CD200R1: variants seen among roughly 807,000 people sequenced by gnomAD.
The protein encoded by CD200R1 is CD200 receptor 1, also known as cell surface glycoprotein CD200 receptor 1.
Under a neutral mutation model 38.1 loss-of-function variants are expected in CD200R1, and 30 were observed. The observed-to-expected ratio is 0.79, with a 90% CI of 0.59 to 1.07. The LOEUF (loss-of-function observed/expected upper bound fraction) is 1.07, where lower values mean the gene tolerates loss of function less well. CD200R1 is among the 50% of genes least tolerant of loss of function. The pLI, the probability that CD200R1 is intolerant of heterozygous loss-of-function variation, is 0.00. For synonymous variants in CD200R1, 128 were observed against 152.1 expected, an observed-to-expected ratio of 0.84 and a Z score of 1.16; for missense variants, 372 against 415.4, an observed-to-expected ratio of 0.90 and a Z score of 0.91.
intron 5 of CD200R1, among the ~76,000 whole-genome samples, chr3:112,926,961 T>C (rs551295473): frequency 2.0e-5 from 3 of 152,182 alleles, no homozygotes; most frequent in East Asian, 1.9e-4. Context: ...GCATCAAATA[T>C]AGAAGAAGAA....
intron 2 of CD200R1, among the ~76,000 whole-genome samples, chr3:112,939,819 CAA>C (rs1213490160): frequency 1.6e-5 from 2 of 124,294 alleles, no homozygotes; most frequent in African/African-American, 3.1e-5. Flanking sequence ...CATGGAACCA[CAA>C]AAGACCCGAA....
chr3:112,925,072 C>A lies in CD200R1; in HGVS notation c.878+13G>T. The A allele has an allele frequency of 1.4e-6, 2 of 1,450,082 alleles. No homozygotes were observed. Among genetic ancestry groups the A allele is most frequent in the Non-Finnish European group, 1.9e-6 (2 of 1,033,296 alleles). The allele number at this position is 1,450,082 out of a possible 1,614,324, so 89.8% of individuals were successfully genotyped here. ...TAAAGCTGAAGAAGAAAAAAACATT[C>A]ATTAGTCAATACCTGCAGCCATTGA... On this transcript the variant is annotated intron_variant, in intron 6 of 7. Coordinates refer to ENST00000308611, the MANE Select transcript of CD200R1 (RefSeq NM_138806.4).
At chr3:112,951,547 T>C (rs1307009028) in intron 1 of CD200R1, among the ~76,000 whole-genome samples, 2 of 151,842 alleles carry the variant, frequency 1.3e-5, no homozygotes, top group East Asian at 1.9e-4. Flanking sequence ...AAACACATTA[T>C]GAAATTTTTT....
intron 5 of CD200R1, 83 bp from the exon 6 acceptor site, chr3:112,925,276 A>C: frequency 1.4e-6 from 1 of 693,564 alleles, no homozygotes; most frequent in Admixed American, 3.1e-5. Context: ...AAAAGAAATG[A>C]GCTATCAAAC....
chr3:112,958,961 C>T lies in CD200R1; in HGVS notation c.68-11037G>A, dbSNP rs188673620. Reference sequence around the variant, plus strand: ...AAAAACAGGCATGACCCTGCAGACCCATACTTCATGGAGGTTTCCTCCAGT... The same window carrying T: ...AAAAACAGGCATGACCCTGCAGACCTATACTTCATGGAGGTTTCCTCCAGT... On this transcript the variant is annotated intron_variant, in intron 1 of 7. Transcript: ENST00000308611. Among the ~76,000 whole-genome samples the T allele has an allele frequency of 7.9e-5, 12 of 152,068 alleles. No individual in the cohort carries two copies. In the East Asian group the frequency reaches 1.7e-3, roughly 22 times the overall value.
intron 1 of CD200R1, among the ~76,000 whole-genome samples, chr3:112,970,837 G>GT (rs1481783165): frequency 6.6e-6 from 1 of 152,086 alleles, no homozygotes; most frequent in Non-Finnish European, 1.5e-5. Flanking sequence ...TTTCAGAAGA[G>GT]TATCTCCTCC....
At chr3:112,957,122 T>C (rs1941115906) in intron 1 of CD200R1, among the ~76,000 whole-genome samples, 1 of 152,196 alleles carries the variant, frequency 6.6e-6, no homozygotes. Flanking sequence ...CTCATCACAC[T>C]GTGCTGTCTA....
At chr3:112,931,065 T>C (rs768328560) in intron 3 of CD200R1, 41 bp downstream of exon 3, 1 of 1,420,486 alleles carries the variant, frequency 7.0e-7, no homozygotes, top group Non-Finnish European at 1.0e-6. Flanking sequence ...AGTTCAACTT[T>C]CCATCCCTAG....
intron 3 of CD200R1, among the ~76,000 whole-genome samples, chr3:112,930,412 G>C (rs532339123): frequency 6.0e-4 from 92 of 152,168 alleles, no homozygotes; most frequent in Non-Finnish European, 1.1e-3. Flanking sequence ...TTTTATTTCT[G>C]TATATTCAAT....
chr3:112,929,379 A>T lies in CD200R1; in HGVS notation c.331T>A (p.Tyr111Asn), dbSNP rs1940368205. 1.2e-6 allele frequency: 2 copies of T among 1,613,912 alleles called. No homozygotes were observed. The highest frequency in any genetic ancestry group is 2.2e-5 in the South Asian group (2 of 91,086). The change falls in exon 4 of 8, where the codon TAC (tyrosine) becomes AAC (asparagine). Residue 111 changes from tyrosine to asparagine, a missense_variant. Coordinates refer to ENST00000308611, the MANE Select transcript of CD200R1 (RefSeq NM_138806.4). ...TTGGTCTCATTTGTTTCTTTCTTGTAGGCTTTTGTGCAGGAAGGCTGGCCT... is the reference window on the plus strand; with the variant it reads ...TTGGTCTCATTTGTTTCTTTCTTGTTGGCTTTTGTGCAGGAAGGCTGGCCT... ...LRGQPSCTKAYKKETNETKET... is the reference protein window; with the variant it reads ...LRGQPSCTKANKKETNETKET...
intron 2 of CD200R1, among the ~76,000 whole-genome samples, chr3:112,939,172 AT>A (rs1940658283): frequency 6.6e-6 from 1 of 152,028 alleles, no homozygotes; most frequent in Admixed American, 6.6e-5. Flanking sequence ...ATTATACTAA[AT>A]GGGGAAAAGC....
At position 112,931,173 on chromosome 3, in the gene CD200R1, T is replaced by C. The variant is rs1458614662; in HGVS notation, c.137-2A>G. 1.3e-6 allele frequency: 2 copies of C among 1,574,756 alleles called. No individual in the cohort carries two copies. Among genetic ancestry groups the C allele is most frequent in the East Asian group, 2.2e-5 (1 of 44,700 alleles). On this transcript the variant is annotated splice_acceptor_variant, in intron 2 of 7. Transcript: ENST00000308611. LOFTEE classifies it high-confidence loss of function. ...CATCCATACATAAACTGCTTGAAGC[T>C]AGAAAATATTTAGAGAAGAATAAAT...
chr3:112,955,721 G>C (rs1418037229), intron 1 of CD200R1, among the ~76,000 whole-genome samples: 2 of 151,372 alleles, frequency 1.3e-5, no homozygotes, highest in African/African-American at 2.4e-5. Flanking sequence ...ATCTGAGAAA[G>C]TCTCTCTCTC....
rs1227414736 is a variant in CD200R1 at position 112,928,945 on chromosome 3, C to T, written c.640G>A (p.Glu214Lys). Residue 214 changes from glutamate to lysine, a missense_variant, in exon 5 of 8, where the codon GAA becomes AAA. By Grantham distance (56) the Glu-to-Lys change is moderately conservative. Transcript: ENST00000308611. Reference sequence around the variant, plus strand: ...GTCACTGTGCCATTGCTCCAGTATTCTTGCTTAGTGGCACAATCGCCCTCT... The same window carrying T: ...GTCACTGTGCCATTGCTCCAGTATTTTTGCTTAGTGGCACAATCGCCCTCT... ...IPEGDCATKQEYWSNGTVTVK... is the reference protein window; with the variant it reads ...IPEGDCATKQKYWSNGTVTVK... 6.2e-7 allele frequency: 1 copy of T among 1,613,956 alleles called. No individual in the cohort carries two copies. Among genetic ancestry groups the T allele is most frequent in the African/African-American group, 1.3e-5 (1 of 74,942 alleles).
At chr3:112,962,571 A>G (rs575131443) in intron 1 of CD200R1, among the ~76,000 whole-genome samples, 1 of 152,344 alleles carries the variant, frequency 6.6e-6, no homozygotes, top group East Asian at 1.9e-4. Context: ...AAGATGCAGC[A>G]CTAAGTACTT....
In CD200R1 at chr3:112,934,120, T is replaced by C. The variant is rs148513917; in HGVS notation, c.137-2949A>G. ...TTTGGGAGAGAGAGAGAGATTCAGA[T>C]CCAAGAAGTTCAAAATTTCCCAAAT... On this transcript the variant is annotated intron_variant, in intron 2 of 7. Transcript: ENST00000308611. 8.6e-5 allele frequency among the ~76,000 whole-genome samples: 13 copies of C among 152,020 alleles called. No individual in the cohort carries two copies. The East Asian group carries it at 2.3e-3, about 27-fold the overall frequency.
chr3:112,970,719 T>C (rs1933283635), intron 1 of CD200R1, among the ~76,000 whole-genome samples: 1 of 152,340 alleles, frequency 6.6e-6, no homozygotes, highest in Non-Finnish European at 1.5e-5. Context: ...CATGACCTTA[T>C]TGGGAGGAAA....
intron 1 of CD200R1, among the ~76,000 whole-genome samples, chr3:112,959,225 G>A (rs1488296420): frequency 6.6e-6 from 1 of 152,050 alleles, no homozygotes; most frequent in Admixed American, 6.5e-5. Context: ...TAATATTCAT[G>A]TATTATTTCT....
chr3:112,931,302 C>A, intron 2 of CD200R1, 131 bp from the exon 3 acceptor site: 2 of 575,238 alleles, frequency 3.5e-6, no homozygotes, highest in South Asian at 2.4e-5. Flanking sequence ...ACACAAAAAT[C>A]ATTGTAAAAC....
Sources: gnomAD v4.1 joint callset for allele counts (sites outside exome capture counted in the v4.1 genomes callset) on GRCh38, gnomAD v4.1.1 for gene constraint, MANE v1.5 for transcripts, NCBI Gene and HGNC (gene_info 2026-07-23, HGNC 2026-07-21) for gene names.